CDKL4: variants seen among roughly 807,000 people sequenced by gnomAD.
CDKL4 encodes cyclin dependent kinase like 4, also known as cyclin-dependent kinase-like 4.
Under a neutral mutation model 42.0 loss-of-function variants are expected in CDKL4, and 44 were observed. That is an observed-to-expected ratio of 1.05 (90% CI 0.82 to 1.35). The LOEUF is 1.35. Ranked by LOEUF, CDKL4 falls within the 40% of genes most tolerant of loss-of-function variation. CDKL4 has a pLI of 0.00. For synonymous variants in CDKL4, 120 were observed against 121.6 expected (o/e 0.99, Z 0.09); for missense variants, 393 against 369.9 (o/e 1.06, Z -0.51).
At chr2:39,224,070 T>TA (rs1312769689) in intron 3 of CDKL4, among the ~76,000 whole-genome samples, 1 of 152,354 alleles carries the variant, frequency 6.6e-6, no homozygotes, top group South Asian at 2.1e-4. Flanking sequence ...GTTAACCTTT[T>TA]AAAAAATGTT....
chr2:39,177,648 C>T (rs1675222420), intron 9 of CDKL4, among the ~76,000 whole-genome samples: 1 of 148,168 alleles, frequency 6.7e-6, no homozygotes, highest in East Asian at 2.0e-4. Flanking sequence ...AGTGATCCAC[C>T]CGCCTCGGCC....
At position 39,223,656 on chromosome 2, in the gene CDKL4, A is replaced by T. The variant is rs371322865; in HGVS notation, c.290+2183T>A. Among the ~76,000 whole-genome samples, 57 of 141,110 alleles carry T rather than the reference A, an allele frequency of 4.0e-4. 1 individual carries two copies. The highest frequency in any genetic ancestry group is 1.5e-3 in the African/African-American group (55 of 36,898). The allele number at this position is 141,110 out of a possible 152,430, so 92.6% of individuals were successfully genotyped here. A position where few individuals can be genotyped will look rare whatever the true frequency, so the allele number is the denominator to read the frequency against. On this transcript the variant is annotated intron_variant, in intron 3 of 9. Transcript: ENST00000451199. ...GAGATGGGGTCTCACTCTGTTACCC[A>T]GGTTAGAGTGCAGTGGCATGATCTC...
intron 7 of CDKL4, 132 bp from the exon 8 acceptor site, chr2:39,184,779 G>C: frequency 1.6e-6 from 1 of 622,992 alleles, no homozygotes; most frequent in Admixed American, 2.4e-5. Context: ...CTATCTCCCA[G>C]GCTGCAGTGC....
chr2:39,193,251 T>G (rs1159835376), intron 5 of CDKL4, among the ~76,000 whole-genome samples: 3 of 149,346 alleles, frequency 2.0e-5, no homozygotes, highest in Non-Finnish European at 4.4e-5. Flanking sequence ...CTGGGCAGAA[T>G]GGCGAAATCT....
At chr2:39,227,833 C>T (rs1411661765) in intron 2 of CDKL4, among the ~76,000 whole-genome samples, 1 of 152,130 alleles carries the variant, frequency 6.6e-6, no homozygotes, top group African/African-American at 2.4e-5. Context: ...ATTTATACCG[C>T]CTTTGCAAAT....
At chr2:39,216,602 G>A (rs1482024419) in intron 3 of CDKL4, among the ~76,000 whole-genome samples, 1 of 152,226 alleles carries the variant, frequency 6.6e-6, no homozygotes, top group South Asian at 2.1e-4. Context: ...TGGACACTTA[G>A]ATTATGGTGG....
At chr2:39,179,652 T>C in intron 8 of CDKL4, among the ~76,000 whole-genome samples, 1 of 152,192 alleles carries the variant, frequency 6.6e-6, no homozygotes, top group East Asian at 1.9e-4. Context: ...ACTAAAAACA[T>C]CAGCGTCGCA....
intron 4 of CDKL4, among the ~76,000 whole-genome samples, chr2:39,209,000 C>A (rs1033801901): frequency 6.6e-6 from 1 of 151,968 alleles, no homozygotes; most frequent in Non-Finnish European, 1.5e-5. Flanking sequence ...CCACTCCTAT[C>A]TCAGAAGTCA....
intron 5 of CDKL4, among the ~76,000 whole-genome samples, chr2:39,200,458 C>A (rs916087816): frequency 2.6e-5 from 4 of 151,892 alleles, no homozygotes; most frequent in Non-Finnish European, 4.4e-5. Flanking sequence ...AAAATACCCC[C>A]ATCATTCTTC....
downstream of CDKL4, among the ~76,000 whole-genome samples, chr2:39,174,033 A>T (rs1309146082): frequency 6.6e-6 from 1 of 151,954 alleles, no homozygotes; most frequent in Non-Finnish European, 1.5e-5. Context: ...CCTGATAACA[A>T]GATGAAAATA....
intron 1 of CDKL4, among the ~76,000 whole-genome samples, chr2:39,234,028 C>T (rs1679227330): frequency 1.3e-5 from 2 of 151,038 alleles, no homozygotes; most frequent in South Asian, 2.1e-4. Context: ...ATTCTCCTGC[C>T]TCCGCCTCCT....
chr2:39,219,538 A>G (rs1678174139), intron 3 of CDKL4, among the ~76,000 whole-genome samples: 2 of 152,036 alleles, frequency 1.3e-5, no homozygotes, highest in Non-Finnish European at 2.9e-5. Flanking sequence ...CTCCTGCCTT[A>G]GCCTCCTGAG....
intron 3 of CDKL4, among the ~76,000 whole-genome samples, chr2:39,219,523 C>T (rs1432745355): frequency 1.3e-5 from 2 of 152,042 alleles, no homozygotes; most frequent in African/African-American, 2.4e-5. Context: ...TGGGTTCAAG[C>T]AATTCTCCTG....
intron 1 of CDKL4, among the ~76,000 whole-genome samples, chr2:39,241,489 T>A (rs1573040334): frequency 4.9e-5 from 1 of 20,494 alleles, no homozygotes; most frequent in East Asian, 6.2e-3. Context: ...TCATCCTTTC[T>A]CAGAAATGTC....
intron 5 of CDKL4, among the ~76,000 whole-genome samples, chr2:39,201,393 C>T (rs184497546): frequency 1.3e-5 from 2 of 151,274 alleles, no homozygotes; most frequent in Admixed American, 1.3e-4. Context: ...AATACAACCA[C>T]TATGAAAAAC....
intron 4 of CDKL4, among the ~76,000 whole-genome samples, chr2:39,210,581 C>A (rs1572990854): frequency 6.6e-6 from 1 of 152,118 alleles, no homozygotes; most frequent in South Asian, 2.1e-4. Context: ...TAAAGAGATA[C>A]AAAGATAAAG....
intron 5 of CDKL4, among the ~76,000 whole-genome samples, chr2:39,196,587 T>C (rs1219772995): frequency 6.6e-6 from 1 of 151,858 alleles, no homozygotes; most frequent in Admixed American, 6.6e-5. Flanking sequence ...AGAAAAACAA[T>C]CCAGTAACAT....
intron 5 of CDKL4, among the ~76,000 whole-genome samples, chr2:39,202,044 C>G (rs1316414830): frequency 6.6e-6 from 1 of 151,962 alleles, no homozygotes; most frequent in Non-Finnish European, 1.5e-5. Flanking sequence ...CAAGCCTGGC[C>G]AACATTGCAA....
intron 4 of CDKL4, among the ~76,000 whole-genome samples, chr2:39,208,346 C>CT (rs113655991): frequency 0.041 from 5,915 of 144,474 alleles, 119 homozygotes; most frequent in Middle Eastern, 0.062. Context: ...TTATACACAG[C>CT]TTTTTTTTTT....
Sources: gnomAD v4.1 joint callset for allele counts (sites outside exome capture counted in the v4.1 genomes callset) on GRCh38, gnomAD v4.1.1 for gene constraint, MANE v1.5 for transcripts, NCBI Gene and HGNC (gene_info 2026-07-23, HGNC 2026-07-21) for gene names.